UNC5D: variants seen among roughly 807,000 people sequenced by gnomAD.
UNC5D encodes the protein netrin receptor UNC5D.
Under a neutral mutation model 105.4 loss-of-function variants are expected in UNC5D, and 39 were observed. That is an observed-to-expected ratio of 0.37 (90% CI 0.29 to 0.48). The LOEUF (loss-of-function observed/expected upper bound fraction) is 0.48. Among genes scored for constraint, UNC5D ranks in the 20% least tolerant of loss-of-function variants. The pLI is 0.98. For missense variants in UNC5D, 991 were observed against 1,202.4 expected (o/e 0.82, Z 2.60); for synonymous variants, 452 against 450.4 (o/e 1.00, Z -0.04).
At chr8:35,697,061 A>G (rs1171660954) in intron 7 of UNC5D, among the ~76,000 whole-genome samples, 1 of 152,034 alleles carries the variant, frequency 6.6e-6, no homozygotes, top group East Asian at 1.9e-4. Flanking sequence ...AAAATGAGGA[A>G]ACTGAGCAAG....
intron 4 of UNC5D, among the ~76,000 whole-genome samples, chr8:35,617,930 C>G (rs1821130006): frequency 6.6e-6 from 1 of 152,238 alleles, no homozygotes; most frequent in African/African-American, 2.4e-5. Flanking sequence ...AACAGATTCT[C>G]TCTATAGATG....
intron 1 of UNC5D, among the ~76,000 whole-genome samples, chr8:35,526,957 T>C (rs1813919676): frequency 6.6e-6 from 1 of 152,198 alleles, no homozygotes; most frequent in Non-Finnish European, 1.5e-5. Context: ...CCATCATGGG[T>C]CAAAACTTTC....
intron 1 of UNC5D, among the ~76,000 whole-genome samples, chr8:35,357,316 C>A (rs1184911488): frequency 6.6e-6 from 1 of 152,156 alleles, no homozygotes; most frequent in African/African-American, 2.4e-5. Context: ...TTTATTCTGA[C>A]CTGTTTCCTT....
At chr8:35,788,506 T>C (rs973118305) in intron 16 of UNC5D, among the ~76,000 whole-genome samples, 4 of 152,192 alleles carry the variant, frequency 2.6e-5, no homozygotes, top group African/African-American at 9.7e-5. Flanking sequence ...TCCTAAAGCT[T>C]ACCATGCTTT....
In UNC5D at chr8:35,755,203, A is replaced by G. The variant is rs183624822; in HGVS notation, c.2164-4117A>G. Reference sequence around the variant, plus strand: ...ATGCACAGCCCAAACAAACCTTGACATAGGAAAGCAAGGAATTAAGCTGTT... The same window carrying G: ...ATGCACAGCCCAAACAAACCTTGACGTAGGAAAGCAAGGAATTAAGCTGTT... On this transcript the variant is annotated intron_variant, in intron 13 of 16. Transcript: ENST00000404895. 4.6e-5 allele frequency among the ~76,000 whole-genome samples: 7 copies of G among 152,310 alleles called. No individual in the cohort carries two copies. The East Asian group carries it at 1.4e-3, about 29-fold the overall frequency.
chr8:35,713,174 A>T (rs2131494940), intron 8 of UNC5D, among the ~76,000 whole-genome samples: 1 of 152,224 alleles, frequency 6.6e-6, no homozygotes, highest in African/African-American at 2.4e-5. Flanking sequence ...GAGTTTGTTA[A>T]TTAAATACCT....
chr8:35,440,195 T>C (rs1275072281), intron 1 of UNC5D, among the ~76,000 whole-genome samples: 1 of 151,948 alleles, frequency 6.6e-6, no homozygotes, highest in Non-Finnish European at 1.5e-5. Flanking sequence ...TTTCTTCATA[T>C]GTAAGAAACT....
At chr8:35,671,098 C>G (rs778542361) in intron 4 of UNC5D, among the ~76,000 whole-genome samples, 7 of 151,998 alleles carry the variant, frequency 4.6e-5, no homozygotes, top group Non-Finnish European at 1.0e-4. Context: ...TTTCCTTGCC[C>G]CACCTCCACT....
intron 1 of UNC5D, among the ~76,000 whole-genome samples, chr8:35,257,116 C>A (rs1804136559): frequency 6.6e-6 from 1 of 151,850 alleles, no homozygotes; most frequent in African/African-American, 2.4e-5. Flanking sequence ...GGATTACAGG[C>A]ACGCACCACC....
chr8:35,620,398 G>A (rs981060754), intron 4 of UNC5D, among the ~76,000 whole-genome samples: 3 of 152,282 alleles, frequency 2.0e-5, no homozygotes, highest in Non-Finnish European at 4.4e-5. Flanking sequence ...CTTTTCATCC[G>A]TAGAATGTAG....
intron 1 of UNC5D, among the ~76,000 whole-genome samples, chr8:35,515,033 C>G (rs1190424215): frequency 6.6e-6 from 1 of 152,194 alleles, no homozygotes; most frequent in African/African-American, 2.4e-5. Context: ...GTCTATGAAG[C>G]TGTGGATGGA....
intron 4 of UNC5D, among the ~76,000 whole-genome samples, chr8:35,674,555 A>G (rs962378851): frequency 5.3e-5 from 8 of 152,190 alleles, no homozygotes; most frequent in Admixed American, 3.9e-4. Flanking sequence ...CTAAAAGAGT[A>G]TTTGGCACAT....
At chr8:35,755,476 GTA>G (rs1484094550) in intron 13 of UNC5D, among the ~76,000 whole-genome samples, 7 of 148,040 alleles carry the variant, frequency 4.7e-5, no homozygotes, top group African/African-American at 1.0e-4. Flanking sequence ...TAATTTGTGT[GTA>G]TGTGTGTGTG....
At chr8:35,631,086 G>A (rs1350691084) in intron 4 of UNC5D, among the ~76,000 whole-genome samples, 1 of 152,196 alleles carries the variant, frequency 6.6e-6, no homozygotes, top group African/African-American at 2.4e-5. Context: ...GCCAAATAGG[G>A]CAGATTGCCT....
In UNC5D at chr8:35,723,004, CAG is replaced by C. The variant is rs537119911; in HGVS notation, c.1303+612_1303+613del. Reference sequence around the variant, plus strand: ...AAACTGTATCATGTCATTTTCAAAACAGAGTCATTTAATTCTGTTATAGGAAC... The same window carrying C: ...AAACTGTATCATGTCATTTTCAAAACAGTCATTTAATTCTGTTATAGGAAC... On this transcript the variant is annotated intron_variant, in intron 9 of 16. Coordinates refer to ENST00000404895, the MANE Select transcript of UNC5D (RefSeq NM_080872.4). Among the ~76,000 whole-genome samples the C allele has an allele frequency of 5.1e-4, 78 of 152,228 alleles. 1 individual carries two copies. The highest frequency in any genetic ancestry group is 1.4e-3 in the Admixed American group (22 of 15,280).
At position 35,795,603 on chromosome 8, in the gene UNC5D, T is replaced by G. The variant is rs1288831219; in HGVS notation, c.*5040T>G. The stretch of plus-strand genomic sequence containing the variant: ...TCCCTCCATTAACTAGTTCCAGTGA[T>G]GCTGAGAGACACAGCACCCTGTGCC... On this transcript the variant is annotated 3_prime_UTR_variant, in exon 17 of 17. Transcript: ENST00000404895. The G allele has an allele frequency of 6.6e-6, 1 of 152,190 alleles. No individual in the cohort carries two copies. The highest frequency in any genetic ancestry group is 2.4e-5 in the African/African-American group (1 of 41,448). 9.4% of individuals were successfully genotyped at this position (152,190 alleles called of 1,614,324 possible). A position where few individuals can be genotyped will look rare whatever the true frequency, so the allele number is the denominator to read the frequency against.
chr8:35,751,320 C>T lies in UNC5D; in HGVS notation c.2163+511C>T, dbSNP rs534824383. Among the ~76,000 whole-genome samples the T allele has an allele frequency of 1.1e-4, 17 of 152,244 alleles. No individual in the cohort carries two copies. The South Asian group carries it at 2.9e-3, about 26-fold the overall frequency. On this transcript the variant is annotated intron_variant, in intron 13 of 16. Transcript: ENST00000404895. The stretch of plus-strand genomic sequence containing the variant: ...TTAGGATTTACAATAGCAATGTTAT[C>T]CCCAGGAGCAATTTGGAGAGTGTCA...
intron 8 of UNC5D, among the ~76,000 whole-genome samples, chr8:35,715,054 G>GGCAGGAGAATCACTTGAAC (rs1828178481): frequency 6.6e-6 from 1 of 152,234 alleles, no homozygotes; most frequent in Admixed American, 6.5e-5. Context: ...GGGAGGCTGA[G>GGCAGGAGAATCACTTGAAC]GCAGGAGAAT....
chr8:35,269,975 G>A (rs1805164151), intron 1 of UNC5D, among the ~76,000 whole-genome samples: 1 of 152,310 alleles, frequency 6.6e-6, no homozygotes, highest in Middle Eastern at 3.4e-3. Flanking sequence ...ATCTTTAGTG[G>A]CACAGAGTAG....
Sources: gnomAD v4.1 joint callset for allele counts (sites outside exome capture counted in the v4.1 genomes callset) on GRCh38, gnomAD v4.1.1 for gene constraint, MANE v1.5 for transcripts, NCBI Gene and HGNC (gene_info 2026-07-23, HGNC 2026-07-21) for gene names.